The following DICER1 variants were observed in gnomAD, a reference collection of about 807,000 sequenced individuals.
DICER1 encodes the protein endoribonuclease Dicer.
In DICER1, 43 loss-of-function variants were observed where a neutral mutation model predicts 194.1. That is an observed-to-expected ratio of 0.22 (90% confidence interval 0.17 to 0.29). DICER1 has a LOEUF of 0.29. Among genes scored for constraint, DICER1 ranks in the 10% least tolerant of loss-of-function variants. The probability of loss-of-function intolerance (pLI) is 1.00; values close to 1 mark genes in which losing one functional copy is unlikely to be tolerated. For missense variants in DICER1, 1,608 were observed against 2,317.0 expected (o/e 0.69, Z 6.28); for synonymous variants, 832 against 820.5 (o/e 1.01, Z -0.24).
chr14:95,129,829 CA>C (rs1893797651), intron 5 of DICER1, among the ~76,000 whole-genome samples, 197 bp from the exon 6 acceptor site: 1 of 152,000 alleles, frequency 6.6e-6, no homozygotes, highest in African/African-American at 2.4e-5. Flanking sequence ...ATCTGTTTTT[CA>C]AAAAGGCTCA....
At chr14:95,107,047 G>A (rs1035390019) in intron 17 of DICER1, among the ~76,000 whole-genome samples, 3 of 151,972 alleles carry the variant, frequency 2.0e-5, no homozygotes, top group Admixed American at 1.3e-4. Flanking sequence ...TCTTTTCCCC[G>A]ATCTGTTGCC....
At chr14:95,108,892 T>C (rs574045473) in intron 14 of DICER1, among the ~76,000 whole-genome samples, 1 of 152,334 alleles carries the variant, frequency 6.6e-6, no homozygotes, top group South Asian at 2.1e-4. Flanking sequence ...AAAATGAAGT[T>C]AGGCAAATTT....
At chr14:95,133,018 T>G (rs550395869) in intron 2 of DICER1, among the ~76,000 whole-genome samples, 3 of 152,158 alleles carry the variant, frequency 2.0e-5, no homozygotes, top group Non-Finnish European at 4.4e-5. Flanking sequence ...ATTTTCAAAC[T>G]AATCTAGGTT....
intron 7 of DICER1, among the ~76,000 whole-genome samples, chr14:95,126,035 C>T (rs1347752461): frequency 6.6e-6 from 1 of 151,946 alleles, no homozygotes; most frequent in Non-Finnish European, 1.5e-5. Context: ...GGTTCTCGAG[C>T]TTTAATGAAT....
At chr14:95,123,128 G>GA (rs923480820) in intron 8 of DICER1, among the ~76,000 whole-genome samples, 16 of 151,762 alleles carry the variant, frequency 1.1e-4, no homozygotes, top group Admixed American at 1.3e-4. Flanking sequence ...TTTTTTGGCA[G>GA]AAAAAAATAA....
intron 8 of DICER1, among the ~76,000 whole-genome samples, chr14:95,121,926 T>C (rs1644988746): frequency 6.6e-6 from 1 of 152,158 alleles, no homozygotes; most frequent in Admixed American, 6.5e-5. Flanking sequence ...GAAAACTGCA[T>C]GTATATTACA....
At chr14:95,106,286 T>C (rs1471064628) in intron 17 of DICER1, 63 bp from the exon 18 acceptor site, 1 of 1,249,392 alleles carries the variant, frequency 8.0e-7, no homozygotes, top group Non-Finnish European at 1.2e-6. Flanking sequence ...ATTCTCAAAA[T>C]ACAACTGTTT....
In DICER1 at chr14:95,089,062, A is replaced by AT. The variant is rs1358224734; in HGVS notation, c.*1435dup. The AT allele has an allele frequency of 2.1e-5, 5 of 233,148 alleles. No homozygotes were observed. The highest frequency in any genetic ancestry group is 3.4e-5 in the Non-Finnish European group (4 of 117,936). The allele number at this position is 233,148 out of a possible 1,614,324, so 14.4% of individuals were successfully genotyped here. On this transcript the variant is annotated 3_prime_UTR_variant, in exon 27 of 27. Coordinates refer to ENST00000343455, the MANE Select transcript of DICER1 (RefSeq NM_177438.3). ...ATAGTTACAGTGCAAAAAAAAAAAA[A>AT]TTAAAATTTCAAGCATAATACATAA...
chr14:95,105,860 T>C lies in DICER1; in HGVS notation c.2988-77A>G, dbSNP rs575632841. ...TCACAGTGGTTCTCCAAAAACCACC[T>C]GAAGAGCTCATTTCAACTACAGCCT... On this transcript the variant is annotated intron_variant, in intron 18 of 26. Coordinates refer to ENST00000343455, the MANE Select transcript of DICER1 (RefSeq NM_177438.3). This position sits in a 1 kb window ranked among gnomAD's most constrained non-coding sequence, Gnocchi z 4.9. The C allele has an allele frequency of 7.0e-7, 1 of 1,428,868 alleles. No homozygotes were observed. The highest frequency in any genetic ancestry group is 1.7e-5 in the Admixed American group (1 of 59,114). The allele number at this position is 1,428,868 out of a possible 1,614,324, so 88.5% of individuals were successfully genotyped here. A position where few individuals can be genotyped will look rare whatever the true frequency, so the allele number is the denominator to read the frequency against.
At position 95,132,521 on chromosome 14, in the gene DICER1, T is replaced by TG. The variant is rs1566815033; in HGVS notation, c.300dup (p.Asn101GlnfsTer44). ...TAAAATAATTTTTTATTACCAGAGT[T>TG]GACCAAGAACACCGTCCTTTTTCCA... On this transcript the variant is annotated frameshift_variant, in exon 3 of 27. Coordinates refer to ENST00000343455, the MANE Select transcript of DICER1 (RefSeq NM_177438.3). LOFTEE classifies it high-confidence loss of function. 1 of 1,613,980 alleles carries TG rather than the reference T, an allele frequency of 6.2e-7. No homozygotes were observed. The highest frequency in any genetic ancestry group is 8.5e-7 in the Non-Finnish European group (1 of 1,179,910).
At position 95,113,405 on chromosome 14, in the gene DICER1, T is replaced by G. The variant is rs1247654147; in HGVS notation, c.1908-181A>C. Among the ~76,000 whole-genome samples the G allele has an allele frequency of 5.3e-5, 8 of 152,268 alleles. No individual in the cohort carries two copies. In the East Asian group the frequency reaches 1.5e-3, roughly 29 times the overall value. ...CAGAATAGTGTTGTCTAACAGAACT[T>G]CTGCAAAGATGTTCTATATCTTCGA... On this transcript the variant is annotated intron_variant, in intron 11 of 26. Coordinates refer to ENST00000343455, the MANE Select transcript of DICER1 (RefSeq NM_177438.3).
intron 1 of DICER1, among the ~76,000 whole-genome samples, chr14:95,133,913 C>A (rs1375296498): frequency 6.6e-6 from 1 of 152,084 alleles, no homozygotes; most frequent in Non-Finnish European, 1.5e-5. Flanking sequence ...GAACAATGTC[C>A]ATAATAAACC....
At chr14:95,106,312 T>G in intron 17 of DICER1, 89 bp from the exon 18 acceptor site, 1 of 976,784 alleles carries the variant, frequency 1.0e-6, no homozygotes, top group Non-Finnish European at 1.6e-6. Context: ...ATGGAAATGA[T>G]GATTAAGAAT....
intron 8 of DICER1, among the ~76,000 whole-genome samples, chr14:95,120,528 G>T (rs1892852237): frequency 6.6e-6 from 1 of 152,186 alleles, no homozygotes; most frequent in South Asian, 2.1e-4. Flanking sequence ...CAAAATGGCT[G>T]ATTCTAGGGC....
At chr14:95,111,209 A>G in intron 14 of DICER1, 108 bp downstream of exon 14, 1 of 1,342,092 alleles carries the variant, frequency 7.5e-7, no homozygotes, top group Non-Finnish European at 1.1e-6. Context: ...AGAGTGGGCC[A>G]AACTGTAAGG....
chr14:95,091,483 T>G, intron 24 of DICER1, 118 bp from the exon 25 acceptor site: 1 of 925,056 alleles, frequency 1.1e-6, no homozygotes, highest in Non-Finnish European at 1.8e-6. Flanking sequence ...AGGGGGGAAA[T>G]ACCATTTATG....
At chr14:95,122,570 G>T (rs1216092499) in intron 8 of DICER1, among the ~76,000 whole-genome samples, 1 of 151,844 alleles carries the variant, frequency 6.6e-6, no homozygotes, top group African/African-American at 2.4e-5. Flanking sequence ...ATGATAGAAA[G>T]AACTGGAAAC....
intron 6 of DICER1, among the ~76,000 whole-genome samples, chr14:95,127,764 AG>A (rs1386692976): frequency 2.6e-5 from 4 of 152,242 alleles, no homozygotes; most frequent in African/African-American, 9.6e-5. Flanking sequence ...AAATGACCAC[AG>A]GGGCTGATAT....
Position 95,124,766 on chromosome 14 carries a change from T to C in DICER1, c.904-98A>G. On this transcript the variant is annotated intron_variant, in intron 7 of 26. Coordinates refer to ENST00000343455, the MANE Select transcript of DICER1 (RefSeq NM_177438.3). This position sits in a 1 kb window ranked among gnomAD's most constrained non-coding sequence, Gnocchi z 4.5. ...GGGATTTCAGTTGTTCTCAAATGGC[T>C]CCTTAAATGTAACCCAGCCTTAGGT... 1 of 1,032,164 alleles carries C rather than the reference T, an allele frequency of 9.7e-7. No individual in the cohort carries two copies. Among genetic ancestry groups the C allele is most frequent in the East Asian group, 2.5e-5 (1 of 40,120 alleles). The allele number at this position is 1,032,164 out of a possible 1,614,324, so 63.9% of individuals were successfully genotyped here.
Sources: gnomAD v4.1 joint callset for allele counts (sites outside exome capture counted in the v4.1 genomes callset) on GRCh38, gnomAD v4.1.1 for gene constraint, Gnocchi (gnomAD v3.1) non-coding constraint, MANE v1.5 for transcripts, NCBI Gene and HGNC (gene_info 2026-07-23, HGNC 2026-07-21) for gene names.